CTNNA2: variants seen among roughly 807,000 people sequenced by gnomAD.
CTNNA2 encodes catenin alpha 2.
In CTNNA2, 42 loss-of-function variants were observed where a neutral mutation model predicts 101.0. That is an observed-to-expected ratio of 0.42 (90% CI 0.32 to 0.54). CTNNA2 has a LOEUF of 0.54. Ranked by LOEUF, CTNNA2 falls within the 20% of genes least tolerant of loss-of-function variation. CTNNA2 has a pLI of 0.14. For missense variants in CTNNA2, 871 were observed against 1,223.1 expected (o/e 0.71, Z 4.29); for synonymous variants, 450 against 456.4 (o/e 0.99, Z 0.18).
chr2:79,516,374 G>A (rs1461007194), intron 1 of CTNNA2, among the ~76,000 whole-genome samples: 1 of 152,168 alleles, frequency 6.6e-6, no homozygotes, highest in Non-Finnish European at 1.5e-5. Flanking sequence ...ACGGGTGTCT[G>A]TGTAGCTGGG....
intron 7 of CTNNA2, among the ~76,000 whole-genome samples, chr2:80,258,859 G>A (rs1458217531): frequency 6.6e-6 from 1 of 152,084 alleles, no homozygotes; most frequent in Non-Finnish European, 1.5e-5. Context: ...GACCTTTGGT[G>A]GAAAGGACTC....
At chr2:79,909,396 T>C (rs1574286830) in intron 6 of CTNNA2, among the ~76,000 whole-genome samples, 198 bp from the exon 7 acceptor site, 1 of 152,264 alleles carries the variant, frequency 6.6e-6, no homozygotes, top group East Asian at 1.9e-4. Context: ...TGTGCTCTTT[T>C]AGCTGAAGAT....
chr2:80,205,430 G>A (rs1707472672), intron 7 of CTNNA2, among the ~76,000 whole-genome samples: 1 of 152,162 alleles, frequency 6.6e-6, no homozygotes, highest in Non-Finnish European at 1.5e-5. Context: ...ACAATAATTA[G>A]TGTTGACACT....
chr2:80,116,068 G>A (rs904017382), intron 7 of CTNNA2, among the ~76,000 whole-genome samples: 8 of 151,060 alleles, frequency 5.3e-5, no homozygotes, highest in East Asian at 1.9e-4. Context: ...TTTTTTTCCC[G>A]TAAAGGTCAG....
chr2:80,263,204 G>A (rs1164291830), intron 7 of CTNNA2, among the ~76,000 whole-genome samples: 2 of 152,008 alleles, frequency 1.3e-5, no homozygotes, highest in East Asian at 1.9e-4. Flanking sequence ...ATGGATTGGC[G>A]GCAGATTGGG....
intron 7 of CTNNA2, among the ~76,000 whole-genome samples, chr2:79,968,160 A>G (rs1019964642): frequency 2.6e-5 from 4 of 151,992 alleles, no homozygotes; most frequent in African/African-American, 9.7e-5. Context: ...TGTACTAAAT[A>G]CCACTGAATT....
At chr2:80,325,505 T>G (rs1679156998) in intron 7 of CTNNA2, among the ~76,000 whole-genome samples, 1 of 152,218 alleles carries the variant, frequency 6.6e-6, no homozygotes, top group Admixed American at 6.5e-5. Flanking sequence ...TTCTTAAAGC[T>G]GTTTTTTGTT....
In CTNNA2 at chr2:79,429,148, T is replaced by A. The variant is rs910867308; in HGVS notation, c.-135+55135T>A. 3.9e-5 allele frequency among the ~76,000 whole-genome samples: 6 copies of A among 152,270 alleles called. No individual in the cohort carries two copies. The South Asian group carries it at 1.2e-3, about 32-fold the overall frequency. On this transcript the variant is annotated intron_variant, in intron 4 of 21. Transcript: ENST00000466387. ...ACTAGCCAATTCTTCAAAATGAACA[T>A]TTTAAGACATCAAAGAATATTTCAT...
chr2:80,512,064 C>T (rs956271282), intron 9 of CTNNA2, among the ~76,000 whole-genome samples: 39 of 147,554 alleles, frequency 2.6e-4, no homozygotes, highest in African/African-American at 6.0e-4. Flanking sequence ...GCAGGAGAAT[C>T]GCTTGAACCC....
In CTNNA2 at chr2:79,264,244, C is replaced by CT. The variant is rs558895845; in HGVS notation, c.-405-48464dup. 1.4e-4 allele frequency among the ~76,000 whole-genome samples: 21 copies of CT among 152,224 alleles called. No homozygotes were observed. The East Asian group carries it at 4.1e-3, about 29-fold the overall frequency. ...GTGAGAGCCAGTTGTATCTAAAGGG[C>CT]TAAGGGTATGGTAAGCACAACTAAA... On this transcript the variant is annotated intron_variant, in intron 2 of 21. Transcript: ENST00000466387.
At chr2:79,328,354 C>G (rs1676794111) in intron 3 of CTNNA2, among the ~76,000 whole-genome samples, 2 of 151,996 alleles carry the variant, frequency 1.3e-5, no homozygotes. Context: ...AGTTTGTAAG[C>G]TAGAGAAGAA....
intron 3 of CTNNA2, chr2:79,373,688 G>C (rs1009516682): frequency 1.3e-5 from 2 of 152,046 alleles, no homozygotes; most frequent in Non-Finnish European, 1.5e-5. Context: ...AATACCCAGT[G>C]AGTTACACAG....
At chr2:79,226,337 G>A (rs1021675028) in intron 2 of CTNNA2, among the ~76,000 whole-genome samples, 5 of 152,086 alleles carry the variant, frequency 3.3e-5, no homozygotes, top group Non-Finnish European at 4.4e-5. Flanking sequence ...TATAAAACTG[G>A]AATAGCAATA....
At chr2:80,051,562 A>G (rs1026690150) in intron 7 of CTNNA2, among the ~76,000 whole-genome samples, 24 of 152,198 alleles carry the variant, frequency 1.6e-4, no homozygotes. Context: ...ACATTCTTGG[A>G]TATTAGCAAA....
At chr2:79,417,140 G>A (rs911500761) in intron 4 of CTNNA2, among the ~76,000 whole-genome samples, 2 of 152,128 alleles carry the variant, frequency 1.3e-5, no homozygotes, top group South Asian at 2.1e-4. Flanking sequence ...ACAAAATACC[G>A]AAAGGGAATT....
At chr2:79,208,472 A>G (rs1572979044) in intron 2 of CTNNA2, among the ~76,000 whole-genome samples, 1 of 152,286 alleles carries the variant, frequency 6.6e-6, no homozygotes, top group South Asian at 2.1e-4. Flanking sequence ...CCGGTTTGAA[A>G]CACTAGAGAG....
At chr2:80,238,896 G>A (rs1419878548) in intron 7 of CTNNA2, among the ~76,000 whole-genome samples, 1 of 152,134 alleles carries the variant, frequency 6.6e-6, no homozygotes, top group Non-Finnish European at 1.5e-5. Flanking sequence ...GGCAGAATGG[G>A]GAACAACATG....
Position 80,503,758 on chromosome 2 carries a change from C to T in CTNNA2, c.1291-41224C>T, listed in dbSNP as rs143530953. ...AAACAGGTCAGTGTCAGTTTGGGTC[C>T]AGAGCCTGGAAAGAGGATCAGGGAA... is the stretch of plus-strand genomic sequence containing the variant. On this transcript the variant is annotated intron_variant, in intron 9 of 18. Coordinates refer to ENST00000402739, the MANE Select transcript of CTNNA2 (RefSeq NM_001282597.3). 3.2e-3 allele frequency among the ~76,000 whole-genome samples: 490 copies of T among 152,138 alleles called. 6 individuals are homozygous for T. Among genetic ancestry groups the T allele is most frequent in the African/African-American group, 0.01 (421 of 41,508 alleles).
intron 1 of CTNNA2, among the ~76,000 whole-genome samples, chr2:79,607,493 A>G (rs927136777): frequency 1.1e-4 from 17 of 152,150 alleles, no homozygotes; most frequent in Non-Finnish European, 2.2e-4. Flanking sequence ...AAGATAGACC[A>G]TATTGTAGTA....
Sources: gnomAD v4.1 joint callset for allele counts (sites outside exome capture counted in the v4.1 genomes callset) on GRCh38, gnomAD v4.1.1 for gene constraint, MANE v1.5 for transcripts, NCBI Gene and HGNC (gene_info 2026-07-23, HGNC 2026-07-21) for gene names.